The following ADAMTS19 variants were observed in gnomAD, a reference collection of about 807,000 sequenced individuals.
ADAMTS19 encodes the protein A disintegrin and metalloproteinase with thrombospondin motifs 19.
In ADAMTS19, 93 loss-of-function variants were observed where a neutral mutation model predicts 153.3. The ratio of observed to expected loss-of-function variants is 0.61; its 90% CI spans 0.51 to 0.72. The LOEUF (loss-of-function observed/expected upper bound fraction) is 0.72, where lower values mean the gene tolerates loss of function less well. Among genes scored for constraint, ADAMTS19 ranks in the 30% least tolerant of loss-of-function variants. The pLI is 0.00. For synonymous variants in ADAMTS19, 600 were observed against 556.6 expected (o/e 1.08, Z -1.10); for missense variants, 1,482 against 1,552.1 (o/e 0.95, Z 0.76).
At position 129,737,610 on chromosome 5, in the gene ADAMTS19, T is replaced by G. The variant is rs1476280223; in HGVS notation, c.*392T>G. 6.5e-6 allele frequency: 1 copy of G among 152,906 alleles called. No homozygotes were observed. The highest frequency in any genetic ancestry group is 1.9e-4 in the East Asian group (1 of 5,194). 9.5% of individuals were successfully genotyped at this position (152,906 alleles called of 1,614,324 possible). A position where few individuals can be genotyped will look rare whatever the true frequency, so the allele number is the denominator to read the frequency against. ...CTTAGCATAATAGTTTAGGTGTATA[T>G]GAAGAGAAACTATTTTTGTTTTTTG... On this transcript the variant is annotated 3_prime_UTR_variant, in exon 23 of 23. Transcript: ENST00000274487.
At chr5:129,595,498 G>C (rs1340764026) in intron 7 of ADAMTS19, among the ~76,000 whole-genome samples, 2 of 151,944 alleles carry the variant, frequency 1.3e-5, no homozygotes, top group African/African-American at 4.8e-5. Flanking sequence ...TCTGGAGACA[G>C]AAAAAAGTCA....
At chr5:129,603,260 A>C (rs1750747570) in intron 8 of ADAMTS19, among the ~76,000 whole-genome samples, 1 of 152,184 alleles carries the variant, frequency 6.6e-6, no homozygotes. Context: ...GTTGCGTGTG[A>C]GTTGCCAGAA....
At chr5:129,722,649 T>C (rs1046006052) in intron 21 of ADAMTS19, among the ~76,000 whole-genome samples, 1 of 152,190 alleles carries the variant, frequency 6.6e-6, no homozygotes, top group Non-Finnish European at 1.5e-5. Flanking sequence ...CTTTTGGTGA[T>C]TTCATCATAA....
intron 3 of ADAMTS19, among the ~76,000 whole-genome samples, chr5:129,522,984 G>C (rs1199376604): frequency 2.0e-5 from 3 of 151,800 alleles, no homozygotes; most frequent in Non-Finnish European, 4.4e-5. Flanking sequence ...AGAACCCAGA[G>C]GCAGAGGTTG....
chr5:129,602,873 A>G (rs1318478906), intron 8 of ADAMTS19, among the ~76,000 whole-genome samples: 1 of 147,210 alleles, frequency 6.8e-6, no homozygotes, highest in East Asian at 2.0e-4. Flanking sequence ...ACTGTTTAAC[A>G]CTTTAAGCCA....
intron 2 of ADAMTS19, among the ~76,000 whole-genome samples, chr5:129,462,159 G>C (rs946171993): frequency 6.6e-6 from 1 of 152,144 alleles, no homozygotes; most frequent in African/African-American, 2.4e-5. Flanking sequence ...TCGTGTTTGC[G>C]CCGCACTCTC....
intron 21 of ADAMTS19, among the ~76,000 whole-genome samples, chr5:129,708,925 C>T (rs1756307449): frequency 6.6e-6 from 1 of 152,044 alleles, no homozygotes; most frequent in Non-Finnish European, 1.5e-5. Context: ...TAAAATAATG[C>T]TGGAAGCACA....
chr5:129,720,175 T>TATATATATATA (rs1184615168), intron 21 of ADAMTS19, among the ~76,000 whole-genome samples: 1 of 116,528 alleles, frequency 8.6e-6, no homozygotes, highest in African/African-American at 5.4e-5. Context: ...TATATATTTA[T>TATATATATATA]TTTTTTTTTT....
chr5:129,512,432 A>G (rs926814065), intron 3 of ADAMTS19, among the ~76,000 whole-genome samples: 1 of 152,094 alleles, frequency 6.6e-6, no homozygotes, highest in African/African-American at 2.4e-5. Context: ...ATGCATTTGG[A>G]TACAACATGG....
intron 8 of ADAMTS19, among the ~76,000 whole-genome samples, chr5:129,608,114 G>GTATATATATATATATATATATATATATA (rs1235116462): frequency 3.5e-4 from 10 of 28,744 alleles, no homozygotes; most frequent in African/African-American, 6.1e-4. Flanking sequence ...GTGTGTGTGT[G>GTATATATATATATATATATATATATATA]TGTATATATA....
chr5:129,467,953 T>C (rs564424438), intron 2 of ADAMTS19, among the ~76,000 whole-genome samples: 2 of 152,340 alleles, frequency 1.3e-5, no homozygotes, highest in African/African-American at 4.8e-5. Flanking sequence ...ACCCATACTA[T>C]TTACACACAC....
At chr5:129,573,505 A>C (rs1370976873) in intron 7 of ADAMTS19, among the ~76,000 whole-genome samples, 6 of 152,024 alleles carry the variant, frequency 3.9e-5, no homozygotes, top group Non-Finnish European at 5.9e-5. Context: ...TACTTAATGC[A>C]TGTCTGTCTC....
chr5:129,570,620 C>T (rs1206305003), intron 7 of ADAMTS19, among the ~76,000 whole-genome samples: 1 of 105,774 alleles, frequency 9.5e-6, no homozygotes, highest in Non-Finnish European at 2.2e-5. Flanking sequence ...CTAAGGAGTA[C>T]AGGAAAAAAA....
intron 10 of ADAMTS19, among the ~76,000 whole-genome samples, chr5:129,634,687 C>G (rs1046145768): frequency 6.6e-6 from 1 of 152,044 alleles, no homozygotes; most frequent in African/African-American, 2.4e-5. Flanking sequence ...GGATAACTTA[C>G]TAGCCATATG....
intron 12 of ADAMTS19, 114 bp from the exon 13 acceptor site, chr5:129,648,684 A>AAAAGT (rs2127042007): frequency 2.6e-6 from 2 of 765,290 alleles, no homozygotes; most frequent in South Asian, 5.5e-5. Flanking sequence ...CCAAGTTTTC[A>AAAAGT]AAAGTAAATA....
chr5:129,596,912 C>A (rs1750407732), intron 8 of ADAMTS19, among the ~76,000 whole-genome samples: 2 of 152,106 alleles, frequency 1.3e-5, no homozygotes, highest in Non-Finnish European at 2.9e-5. Context: ...TTACATAGTG[C>A]ATGATTGATT....
intron 19 of ADAMTS19, among the ~76,000 whole-genome samples, chr5:129,699,653 A>G (rs1755739793): frequency 6.6e-6 from 1 of 152,140 alleles, no homozygotes; most frequent in Non-Finnish European, 1.5e-5. Flanking sequence ...AGAAAAGGCC[A>G]GTCCCCATTG....
intron 18 of ADAMTS19, among the ~76,000 whole-genome samples, chr5:129,684,692 A>G (rs1465232432): frequency 2.0e-5 from 3 of 152,206 alleles, no homozygotes; most frequent in Admixed American, 1.3e-4. Flanking sequence ...TGAATTGAAT[A>G]TAAGAATTAT....
At chr5:129,689,147 G>A (rs926902621) in intron 18 of ADAMTS19, among the ~76,000 whole-genome samples, 1 of 152,072 alleles carries the variant, frequency 6.6e-6, no homozygotes, top group Admixed American at 6.6e-5. Flanking sequence ...AGTTAAACAT[G>A]CTTTTAGGAA....
Sources: allele counts gnomAD v4.1 joint callset (sites outside exome capture counted in the v4.1 genomes callset), GRCh38; gene constraint gnomAD v4.1.1; transcripts MANE v1.5; gene names NCBI Gene and HGNC (gene_info 2026-07-23, HGNC 2026-07-21).